LRBA: variants seen among roughly 807,000 people sequenced by gnomAD.
LRBA encodes the protein lipopolysaccharide-responsive and beige-like anchor protein.
Under a neutral mutation model 330.0 loss-of-function variants are expected in LRBA, and 176 were observed. The ratio of observed to expected loss-of-function variants is 0.53; its 90% CI spans 0.47 to 0.60. LRBA has a LOEUF of 0.60. Among genes scored for constraint, LRBA ranks in the 20% least tolerant of loss-of-function variants. LRBA has a pLI of 0.00. For missense variants in LRBA, 3,259 were observed against 3,444.8 expected (o/e 0.95, Z 1.35); for synonymous variants, 1,230 against 1,193.0 (o/e 1.03, Z -0.64).
intron 47 of LRBA, among the ~76,000 whole-genome samples, chr4:150,357,138 G>A (rs933289330): frequency 1.1e-4 from 16 of 151,940 alleles, no homozygotes; most frequent in African/African-American, 3.9e-4. Flanking sequence ...TTGAACTGTT[G>A]GGCAGAAGAG....
intron 40 of LRBA, among the ~76,000 whole-genome samples, chr4:150,524,771 T>C (rs1178365996): frequency 6.6e-6 from 1 of 152,156 alleles, no homozygotes; most frequent in East Asian, 1.9e-4. Flanking sequence ...AACTAGCAAT[T>C]AGTCCCACTG....
Position 150,364,023 on chromosome 4 carries a change from G to A in LRBA, c.7195-13864C>T, listed in dbSNP as rs560217467. 1.7e-4 allele frequency among the ~76,000 whole-genome samples: 26 copies of A among 152,204 alleles called. No homozygotes were observed. In the South Asian group the frequency reaches 5.4e-3, roughly 32 times the overall value. Reference sequence around the variant, plus strand: ...TTGTTAACCATACAATCAAATTTGAGGTAGAATGATTACATGGGAAGGAAA... The same window carrying A: ...TTGTTAACCATACAATCAAATTTGAAGTAGAATGATTACATGGGAAGGAAA... On this transcript the variant is annotated intron_variant, in intron 47 of 56. Transcript: ENST00000651943.
chr4:150,517,568 C>A (rs564750805), intron 40 of LRBA, among the ~76,000 whole-genome samples: 1 of 151,720 alleles, frequency 6.6e-6, no homozygotes, highest in African/African-American at 2.4e-5. Flanking sequence ...ATGATGGGGG[C>A]AAGAGGAGAA....
chr4:150,975,678 T>G (rs998191110), intron 2 of LRBA, among the ~76,000 whole-genome samples: 1 of 151,976 alleles, frequency 6.6e-6, no homozygotes, highest in African/African-American at 2.4e-5. Flanking sequence ...TAAAAACCTA[T>G]TAAGCCTAGA....
At chr4:150,558,423 T>G (rs909040258) in intron 40 of LRBA, among the ~76,000 whole-genome samples, 1 of 152,258 alleles carries the variant, frequency 6.6e-6, no homozygotes, top group Non-Finnish European at 1.5e-5. Context: ...CTAAGTTATT[T>G]ATTTTGTTGT....
chr4:150,570,368 C>T (rs1457123314), intron 40 of LRBA, among the ~76,000 whole-genome samples: 1 of 152,078 alleles, frequency 6.6e-6, no homozygotes, highest in Non-Finnish European at 1.5e-5. Context: ...CATGCAGGCA[C>T]TGAGGCTGCA....
intron 47 of LRBA, among the ~76,000 whole-genome samples, chr4:150,403,781 G>A (rs1298727433): frequency 6.6e-6 from 1 of 152,068 alleles, no homozygotes; most frequent in Non-Finnish European, 1.5e-5. Flanking sequence ...CAGTACTTTG[G>A]GAGGCTGAGG....
chr4:150,867,793 C>T lies in LRBA; in HGVS notation c.2644G>A (p.Asp882Asn), dbSNP rs145086254. The change falls in exon 22 of 57, where the codon GAT becomes AAT. Residue 882 changes from aspartate to asparagine, a missense_variant. Asp to Asn is a conservative substitution (Grantham distance 23, BLOSUM62 1). Coordinates refer to ENST00000651943, the MANE Select transcript of LRBA (RefSeq NM_001364905.1). ...ACCATTTCTGTTATCTTTTGCTCAT[C>T]TGAATTCTTAGGATTAAAATAGCAG... ...SLCYFNPKNS[D>N]EQKITEMVYA... is the part of the protein sequence containing the mutation. The T allele has an allele frequency of 9.3e-6, 15 of 1,613,562 alleles. No individual in the cohort carries two copies. The highest frequency in any genetic ancestry group is 1.6e-4 in the Middle Eastern group (1 of 6,082).
intron 38 of LRBA, among the ~76,000 whole-genome samples, chr4:150,592,351 G>A (rs1449606395): frequency 2.0e-5 from 3 of 151,356 alleles, no homozygotes; most frequent in East Asian, 1.9e-4. Context: ...GTACGTTTAC[G>A]GATGATGTTA....
At chr4:150,355,205 A>G (rs1737677419) in intron 47 of LRBA, among the ~76,000 whole-genome samples, 1 of 152,114 alleles carries the variant, frequency 6.6e-6, no homozygotes, top group South Asian at 2.1e-4. Context: ...CTACACATGC[A>G]TTAGTGATAC....
chr4:150,769,111 T>C (rs1212844348), intron 34 of LRBA, among the ~76,000 whole-genome samples: 1 of 151,522 alleles, frequency 6.6e-6, no homozygotes, highest in Non-Finnish European at 1.5e-5. Flanking sequence ...TAATTTTTTA[T>C]TATTATTATT....
intron 47 of LRBA, among the ~76,000 whole-genome samples, chr4:150,391,441 T>A (rs1311921267): frequency 6.6e-6 from 1 of 152,168 alleles, no homozygotes; most frequent in Non-Finnish European, 1.5e-5. Context: ...TATGTGGGCA[T>A]AGTCTAAAAA....
intron 17 of LRBA, 113 bp downstream of exon 17, chr4:150,892,939 T>A: frequency 3.2e-6 from 2 of 621,684 alleles, no homozygotes; most frequent in Non-Finnish European, 5.4e-6. Flanking sequence ...CTTAACTCAT[T>A]TCATGCTATA....
At chr4:150,768,819 G>A (rs757709961) in intron 34 of LRBA, among the ~76,000 whole-genome samples, 25 of 151,678 alleles carry the variant, frequency 1.6e-4, no homozygotes, top group Admixed American at 3.9e-4. Flanking sequence ...ATATTGTTAA[G>A]AGGGTGAGGA....
rs550638871 is a variant in LRBA at position 151,014,865 on chromosome 4, T to C, written c.-219-4A>G. ...AGGCTGACAACAACGCCAAACCCTATTGGAAGATTAAATATATGTTAAATA... is the reference window on the plus strand; with the variant it reads ...AGGCTGACAACAACGCCAAACCCTACTGGAAGATTAAATATATGTTAAATA... On this transcript the variant is annotated splice_region_variant and splice_polypyrimidine_tract_variant and intron_variant, in intron 1 of 56. Coordinates refer to ENST00000651943, the MANE Select transcript of LRBA (RefSeq NM_001364905.1). 1.1e-5 allele frequency: 6 copies of C among 522,958 alleles called. No homozygotes were observed. Among genetic ancestry groups the C allele is most frequent in the African/African-American group, 3.8e-5 (2 of 53,332 alleles). The allele number at this position is 522,958 out of a possible 1,614,324, so 32.4% of individuals were successfully genotyped here.
intron 36 of LRBA, among the ~76,000 whole-genome samples, chr4:150,702,957 C>T (rs543555337): frequency 1.7e-4 from 26 of 152,262 alleles, no homozygotes; most frequent in Non-Finnish European, 3.5e-4. Flanking sequence ...ATCACAAGTT[C>T]GAGACCAGGC....
chr4:150,761,308 CTGTT>C (rs1440540853), intron 35 of LRBA, among the ~76,000 whole-genome samples: 3 of 152,060 alleles, frequency 2.0e-5, no homozygotes, highest in African/African-American at 7.2e-5. Context: ...TTGAATTCTT[CTGTT>C]TCTGTTCTTT....
chr4:150,658,359 C>CA (rs773218827), intron 37 of LRBA, among the ~76,000 whole-genome samples: 7,088 of 99,758 alleles, frequency 0.071, 359 homozygotes, highest in African/African-American at 0.19. Flanking sequence ...GTCTGCAAGC[C>CA]AAAAAAAAAA....
At chr4:150,783,770 T>C (rs932654615) in intron 34 of LRBA, among the ~76,000 whole-genome samples, 2 of 152,278 alleles carry the variant, frequency 1.3e-5, no homozygotes, top group South Asian at 4.1e-4. Context: ...ACCTAGAAGA[T>C]AGTGTGATAT....
Sources: allele counts gnomAD v4.1 joint callset (sites outside exome capture counted in the v4.1 genomes callset), GRCh38; gene constraint gnomAD v4.1.1; transcripts MANE v1.5; gene names NCBI Gene and HGNC (gene_info 2026-07-23, HGNC 2026-07-21).